Variants in CTTNBP2 observed in about 807,000 individuals in gnomAD.
The protein encoded by CTTNBP2 is cortactin-binding protein 2.
A neutral mutation model predicts 156.9 loss-of-function variants in CTTNBP2; 108 were observed. The observed-to-expected ratio is 0.69, with a 90% CI of 0.59 to 0.81. CTTNBP2 has a LOEUF of 0.81. Among genes scored for constraint, CTTNBP2 ranks in the 30% least tolerant of loss-of-function variants. The probability of loss-of-function intolerance (pLI) is 0.00; values close to 1 mark genes in which losing one functional copy is unlikely to be tolerated. For missense variants in CTTNBP2, 1,924 were observed against 2,035.4 expected (o/e 0.95, Z 1.05); for synonymous variants, 767 against 751.8 (o/e 1.02, Z -0.33).
At chr7:117,838,955 A>G (rs1162508972) in intron 2 of CTTNBP2, among the ~76,000 whole-genome samples, 3 of 85,228 alleles carry the variant, frequency 3.5e-5, no homozygotes, top group Non-Finnish European at 6.2e-5. Flanking sequence ...ATGTATAGTA[A>G]CATTGCGGGG....
chr7:117,802,448 A>AC (rs922459830), intron 3 of CTTNBP2, among the ~76,000 whole-genome samples: 1 of 142,854 alleles, frequency 7.0e-6, no homozygotes, highest in African/African-American at 2.6e-5. Flanking sequence ...AAAAAAAAAA[A>AC]AAAAAAAAAC....
At chr7:117,716,707 G>A (rs1794399857) in intron 22 of CTTNBP2, among the ~76,000 whole-genome samples, 1 of 152,164 alleles carries the variant, frequency 6.6e-6, no homozygotes, top group Non-Finnish European at 1.5e-5. Context: ...TGAAAGCCAT[G>A]CTTTTCTTCA....
At chr7:117,748,299 T>A (rs150407937) in intron 12 of CTTNBP2, among the ~76,000 whole-genome samples, 1 of 152,190 alleles carries the variant, frequency 6.6e-6, no homozygotes, top group Non-Finnish European at 1.5e-5. Context: ...ATATGTCTAG[T>A]TATAGCCTCT....
At chr7:117,851,769 T>C (rs991727859) in intron 2 of CTTNBP2, among the ~76,000 whole-genome samples, 4 of 152,324 alleles carry the variant, frequency 2.6e-5, no homozygotes, top group South Asian at 4.1e-4. Flanking sequence ...GAACCTCTGA[T>C]GTAGCCAAGC....
In CTTNBP2 at chr7:117,735,070, T is replaced by G; in HGVS notation, c.3719A>C (p.His1240Pro). ...GGTTCCCATCAGAAAGCAGTTCTCA[T>G]GAAAGTAATAACATTCGGACAGTCC... ...GNGLSECYYF[H>P]ENCFLMGTIA... The change falls in exon 16 of 23, where the codon CAT (histidine) becomes CCT (proline). Residue 1240 changes from histidine to proline, a missense_variant. Coordinates refer to ENST00000160373, the MANE Select transcript of CTTNBP2 (RefSeq NM_033427.3). 6.2e-7 allele frequency: 1 copy of G among 1,614,028 alleles called. No individual in the cohort carries two copies. The highest frequency in any genetic ancestry group is 8.5e-7 in the Non-Finnish European group (1 of 1,179,926).
rs575722617 is a variant in CTTNBP2, at chr7:117,740,116, C to A, written c.3536-4695G>T. 1.8e-4 allele frequency among the ~76,000 whole-genome samples: 27 copies of A among 151,980 alleles called. No individual in the cohort carries two copies. In the South Asian group the frequency reaches 5.2e-3, roughly 29 times the overall value. ...CAAATAACAGAGTCATATGACATGACCCTCTCTCAAGAAAGGGAATATGAG... is the reference window on the plus strand; with the variant it reads ...CAAATAACAGAGTCATATGACATGAACCTCTCTCAAGAAAGGGAATATGAG... On this transcript the variant is annotated intron_variant, in intron 14 of 22. Transcript: ENST00000160373.
chr7:117,752,793 C>T (rs553115087), intron 12 of CTTNBP2, among the ~76,000 whole-genome samples: 20 of 152,154 alleles, frequency 1.3e-4, no homozygotes, highest in Admixed American at 2.6e-4. Context: ...TTGCTGAAGA[C>T]GCTGGGTAAA....
At chr7:117,817,361 A>ATATATATATTATATAT (rs1298639361) in intron 2 of CTTNBP2, among the ~76,000 whole-genome samples, 1 of 53,286 alleles carries the variant, frequency 1.9e-5, no homozygotes, top group African/African-American at 7.5e-5. Flanking sequence ...AAAAAAAAAA[A>ATATATATATTATATAT]ATATATATAT....
intron 6 of CTTNBP2, among the ~76,000 whole-genome samples, 172 bp from the exon 7 acceptor site, chr7:117,780,763 T>G (rs1403609822): frequency 6.6e-6 from 1 of 152,228 alleles, no homozygotes; most frequent in Non-Finnish European, 1.5e-5. Context: ...CTACTGTTTT[T>G]TTCACAAGGC....
At chr7:117,732,572 C>A (rs1176405241) in intron 16 of CTTNBP2, among the ~76,000 whole-genome samples, 1 of 151,012 alleles carries the variant, frequency 6.6e-6, no homozygotes. Context: ...ATGGTGTGAA[C>A]CCAGGAGGCG....
Position 117,711,624 on chromosome 7 carries a change from A to G in CTTNBP2, c.4905T>C (p.Asn1635=). Residue 1635 remains asparagine, a synonymous_variant, in exon 23 of 23, where the codon AAT becomes AAC. Coordinates refer to ENST00000160373, the MANE Select transcript of CTTNBP2 (RefSeq NM_033427.3). ...TGTTGTTGATTTCTATTTGCCTTGTATTACTGCTGCTGCTGCTTCTTTTGG... is the reference window on the plus strand; with the variant it reads ...TGTTGTTGATTTCTATTTGCCTTGTGTTACTGCTGCTGCTGCTTCTTTTGG... ...QNTKRSSSSS[N]TRQIEINNNS... 6.2e-7 allele frequency: 1 copy of G among 1,613,982 alleles called. No homozygotes were observed. Among genetic ancestry groups the G allele is most frequent in the East Asian group, 2.2e-5 (1 of 44,864 alleles).
chr7:117,739,414 G>A (rs1037610723), intron 14 of CTTNBP2, among the ~76,000 whole-genome samples: 2 of 152,102 alleles, frequency 1.3e-5, no homozygotes, highest in African/African-American at 2.4e-5. Flanking sequence ...ACTTCAAAAC[G>A]CTATTTCTAA....
intron 3 of CTTNBP2, among the ~76,000 whole-genome samples, chr7:117,802,427 T>C (rs1799672259): frequency 8.1e-6 from 1 of 123,596 alleles, no homozygotes; most frequent in African/African-American, 2.9e-5. Context: ...ATTCTAGACT[T>C]CAGCATTGGC....
chr7:117,729,080 C>T (rs1031595373), intron 16 of CTTNBP2, among the ~76,000 whole-genome samples: 1 of 152,182 alleles, frequency 6.6e-6, no homozygotes, highest in Non-Finnish European at 1.5e-5. Flanking sequence ...CATTGTAACT[C>T]GGTCCCCAGG....
chr7:117,743,976 A>G (rs1334276435), intron 14 of CTTNBP2, among the ~76,000 whole-genome samples: 1 of 151,938 alleles, frequency 6.6e-6, no homozygotes, highest in Non-Finnish European at 1.5e-5. Context: ...GGTTTGTGGT[A>G]TCCTCAGTGC....
chr7:117,759,223 C>G (rs936397853), intron 10 of CTTNBP2, among the ~76,000 whole-genome samples: 1 of 152,072 alleles, frequency 6.6e-6, no homozygotes, highest in African/African-American at 2.4e-5. Flanking sequence ...ATCTTCCCAC[C>G]TTAGCCTCCG....
intron 12 of CTTNBP2, among the ~76,000 whole-genome samples, chr7:117,749,964 G>A (rs957720683): frequency 2.0e-5 from 3 of 152,120 alleles, no homozygotes; most frequent in East Asian, 1.9e-4. Flanking sequence ...ATTTTAAACC[G>A]GAGCTCTTGA....
intron 4 of CTTNBP2, among the ~76,000 whole-genome samples, chr7:117,785,283 G>A (rs1282318003): frequency 6.6e-6 from 1 of 152,166 alleles, no homozygotes; most frequent in Admixed American, 6.5e-5. Context: ...TCTGTTAAGT[G>A]TGTGAAATCG....
At chr7:117,824,647 G>A (rs2117044985) in intron 2 of CTTNBP2, among the ~76,000 whole-genome samples, 1 of 152,306 alleles carries the variant, frequency 6.6e-6, no homozygotes, top group Middle Eastern at 3.4e-3. Flanking sequence ...GCCCACAGCT[G>A]CATGGCTAGA....
Sources: allele counts gnomAD v4.1 joint callset (sites outside exome capture counted in the v4.1 genomes callset), GRCh38; gene constraint gnomAD v4.1.1; transcripts MANE v1.5; gene names NCBI Gene and HGNC (gene_info 2026-07-23, HGNC 2026-07-21).